The following PTPRZ1 variants were observed in gnomAD, a reference collection of about 807,000 sequenced individuals.
PTPRZ1 encodes protein tyrosine phosphatase receptor type Z1.
A neutral mutation model predicts 214.1 loss-of-function variants in PTPRZ1; 82 were observed. The ratio of observed to expected loss-of-function variants is 0.38; its 90% CI spans 0.32 to 0.46. The LOEUF is 0.46. Among genes scored for constraint, PTPRZ1 ranks in the 20% least tolerant of loss-of-function variants. The pLI is 1.00. For synonymous variants in PTPRZ1, 945 were observed against 987.9 expected (o/e 0.96, Z 0.81); for missense variants, 2,603 against 2,748.7 (o/e 0.95, Z 1.19).
intron 6 of PTPRZ1, among the ~76,000 whole-genome samples, chr7:121,980,749 G>A (rs1797580670): frequency 6.6e-6 from 1 of 152,128 alleles, no homozygotes; most frequent in Non-Finnish European, 1.5e-5. Flanking sequence ...TTTCTTTGAG[G>A]CTTTCTGAGT....
chr7:121,955,796 G>A (rs1796688202), intron 2 of PTPRZ1, among the ~76,000 whole-genome samples: 1 of 152,126 alleles, frequency 6.6e-6, no homozygotes, highest in Non-Finnish European at 1.5e-5. Context: ...TGTCAGTGGG[G>A]TGATAGAGCA....
intron 1 of PTPRZ1, among the ~76,000 whole-genome samples, chr7:121,911,670 C>G (rs1280057550): frequency 1.3e-5 from 2 of 151,856 alleles, no homozygotes; most frequent in Non-Finnish European, 2.9e-5. Context: ...TCTTCCTTTT[C>G]TGAAACTTAG....
chr7:122,011,471 T>G lies in PTPRZ1; in HGVS notation c.2425T>G (p.Ser809Ala). 1 of 1,614,096 alleles carries G rather than the reference T, an allele frequency of 6.2e-7. No homozygotes were observed. Among genetic ancestry groups the G allele is most frequent in the Non-Finnish European group, 8.5e-7 (1 of 1,179,968 alleles). ...VFPSVDVSFE[S>A]ILSSYDGAPL... ...TCCCAGTGTCGATGTGTCATTTGAA[T>G]CCATCCTGTCTTCCTATGATGGTGC... The change falls in exon 12 of 30, where the codon TCC (serine) becomes GCC (alanine). Residue 809 changes from serine to alanine, a missense_variant. Physicochemically the swap from Ser to Ala is moderately conservative, Grantham distance 99. Coordinates refer to ENST00000393386, the MANE Select transcript of PTPRZ1 (RefSeq NM_002851.3).
intron 2 of PTPRZ1, among the ~76,000 whole-genome samples, chr7:121,951,960 TTTA>T: frequency 2.1e-5 from 1 of 48,518 alleles, no homozygotes; most frequent in African/African-American, 6.0e-5. Context: ...TATTTATTTA[TTTA>T]TTTTTTTTTT....
intron 8 of PTPRZ1, among the ~76,000 whole-genome samples, chr7:121,987,756 A>G (rs10250348): frequency 0.11 from 17,292 of 152,198 alleles, 1,047 homozygotes; most frequent in East Asian, 0.17. Context: ...GCTAGTCACA[A>G]TAGCAAAGAT....
intron 10 of PTPRZ1, among the ~76,000 whole-genome samples, chr7:122,002,256 T>C (rs1032547177): frequency 6.6e-6 from 1 of 152,184 alleles, no homozygotes; most frequent in African/African-American, 2.4e-5. Context: ...GTTCAAATGA[T>C]CTCAGTCCAG....
At chr7:121,929,807 CA>C (rs1191073279) in intron 2 of PTPRZ1, among the ~76,000 whole-genome samples, 13 of 133,812 alleles carry the variant, frequency 9.7e-5, no homozygotes, top group East Asian at 4.2e-4. Flanking sequence ...GACTCCATCT[CA>C]AAAAAAAAAT....
chr7:122,005,599 T>C (rs1035324109), intron 11 of PTPRZ1, among the ~76,000 whole-genome samples: 1 of 152,024 alleles, frequency 6.6e-6, no homozygotes, highest in African/African-American at 2.4e-5. Flanking sequence ...AGAATAACTT[T>C]ATTTGTATAT....
intron 1 of PTPRZ1, among the ~76,000 whole-genome samples, chr7:121,894,286 A>C (rs545920287): frequency 1.4e-4 from 21 of 152,196 alleles, no homozygotes; most frequent in African/African-American, 5.1e-4. Flanking sequence ...TACACCACTA[A>C]CTAATACATT....
At chr7:121,997,637 T>G (rs1450879959) in intron 9 of PTPRZ1, among the ~76,000 whole-genome samples, 1 of 151,110 alleles carries the variant, frequency 6.6e-6, no homozygotes, top group Non-Finnish European at 1.5e-5. Flanking sequence ...AAAATGAAAC[T>G]TCCTGAAACT....
rs150771606 is a variant in PTPRZ1 at position 122,006,340 on chromosome 7, T to G, written c.1287+1680T>G. Among the ~76,000 whole-genome samples the G allele has an allele frequency of 4.3e-3, 658 of 152,210 alleles. 7 individuals carry two copies. The highest frequency in any genetic ancestry group is 0.014 in the African/African-American group (593 of 41,554). ...AGTGCTATCAAACACTAGAACTTAT[T>G]ATTCCTATCTAGCTGTAATTTTGTA... On this transcript the variant is annotated intron_variant, in intron 11 of 29. Transcript: ENST00000393386.
intron 1 of PTPRZ1, among the ~76,000 whole-genome samples, chr7:121,910,022 A>G (rs965689629): frequency 1.3e-5 from 2 of 152,214 alleles, no homozygotes; most frequent in South Asian, 2.1e-4. Context: ...ACAGTTTGCA[A>G]TGTAGAAAAG....
intron 2 of PTPRZ1, among the ~76,000 whole-genome samples, chr7:121,947,574 T>C (rs1054554474): frequency 7.9e-5 from 12 of 152,204 alleles, no homozygotes; most frequent in African/African-American, 2.4e-4. Context: ...AGTTTAATGA[T>C]TTTTCCATAA....
At chr7:121,920,847 T>C (rs1014991034) in intron 1 of PTPRZ1, among the ~76,000 whole-genome samples, 1 of 152,176 alleles carries the variant, frequency 6.6e-6, no homozygotes, top group African/African-American at 2.4e-5. Flanking sequence ...TGAACTGTTA[T>C]GATGCTGTAA....
At chr7:121,980,756 G>C (rs1364023152) in intron 6 of PTPRZ1, among the ~76,000 whole-genome samples, 1 of 152,152 alleles carries the variant, frequency 6.6e-6, no homozygotes, top group Non-Finnish European at 1.5e-5. Context: ...GAGGCTTTCT[G>C]AGTATGTTCA....
rs866536040 is a variant in PTPRZ1, at chr7:122,012,091, C to T, written c.3045C>T (p.Ala1015=). The T allele has an allele frequency of 6.2e-7, 1 of 1,614,038 alleles. No homozygotes were observed. The highest frequency in any genetic ancestry group is 1.6e-4 in the Middle Eastern group (1 of 6,062). The change falls in exon 12 of 30, where the codon GCC becomes GCT. Residue 1015 remains alanine (A), a synonymous_variant. Coordinates refer to ENST00000393386, the MANE Select transcript of PTPRZ1 (RefSeq NM_002851.3). ...FLLPDTDGLT[A]LNISSPVSVA... Reference sequence around the variant, plus strand: ...TACCTGACACAGATGGGCTGACAGCCCTTAACATTTCTTCACCTGTTTCTG... The same window carrying T: ...TACCTGACACAGATGGGCTGACAGCTCTTAACATTTCTTCACCTGTTTCTG...
Position 122,038,779 on chromosome 7 carries a change from A to G in PTPRZ1, c.5392A>G (p.Ile1798Val), listed in dbSNP as rs1174923938. 4.3e-6 allele frequency: 7 copies of G among 1,613,738 alleles called. No homozygotes were observed. The highest frequency in any genetic ancestry group is 5.9e-6 in the Non-Finnish European group (7 of 1,179,748). Residue 1798 changes from isoleucine to valine, a missense_variant, in exon 19 of 30, where the codon ATT becomes GTT. This residue lies in a region of PTPRZ1 where 1,913 missense variants were observed against 1,914.3 expected (regional missense o/e 1.00). Transcript: ENST00000393386. ...VDGYNRPKAY[I>V]AAQGPLKSTA... ...GGGCTACAACAGACCAAAAGCTTATATTGCTGCCCAAGGCCCACTGAAATC... is the reference window on the plus strand; with the variant it reads ...GGGCTACAACAGACCAAAAGCTTATGTTGCTGCCCAAGGCCCACTGAAATC...
chr7:121,936,620 C>G (rs115803788), intron 2 of PTPRZ1, among the ~76,000 whole-genome samples: 3 of 152,080 alleles, frequency 2.0e-5, no homozygotes, highest in Non-Finnish European at 4.4e-5. Context: ...AGAAACACAT[C>G]GAGGTTTGGG....
At chr7:121,891,741 GT>G (rs1437386612) in intron 1 of PTPRZ1, among the ~76,000 whole-genome samples, 2 of 151,548 alleles carry the variant, frequency 1.3e-5, no homozygotes, top group African/African-American at 4.8e-5. Context: ...ATACTCTCCA[GT>G]TTTTGCTTTC....
Sources: gnomAD v4.1 joint callset for allele counts (sites outside exome capture counted in the v4.1 genomes callset) on GRCh38, gnomAD v4.1.1 for gene constraint, gnomAD v4.1.1 regional missense constraint, MANE v1.5 for transcripts, NCBI Gene and HGNC (gene_info 2026-07-23, HGNC 2026-07-21) for gene names.